GTF2IRD1: variants seen among roughly 807,000 people sequenced by gnomAD.
GTF2IRD1 encodes the protein general transcription factor II-I repeat domain-containing protein 1.
A neutral mutation model predicts 113.2 loss-of-function variants in GTF2IRD1; 26 were observed. That is an observed-to-expected ratio of 0.23 (90% CI 0.17 to 0.32). GTF2IRD1 has a LOEUF of 0.32. GTF2IRD1 is among the 10% of genes least tolerant of loss of function. GTF2IRD1 has a pLI of 1.00. For missense variants in GTF2IRD1, 864 were observed against 1,280.8 expected (o/e 0.67, Z 4.97); for synonymous variants, 484 against 529.1 (o/e 0.91, Z 1.17).
intron 9 of GTF2IRD1, among the ~76,000 whole-genome samples, chr7:74,531,335 C>A (rs587597960): frequency 6.6e-6 from 1 of 152,198 alleles, no homozygotes; most frequent in Non-Finnish European, 1.5e-5. Context: ...GGCACAACTG[C>A]ACTCCAGCCT....
At chr7:74,514,930 G>A (rs587692833) in intron 3 of GTF2IRD1, among the ~76,000 whole-genome samples, 24 of 151,780 alleles carry the variant, frequency 1.6e-4, no homozygotes, top group Admixed American at 1.4e-3. Flanking sequence ...GGTGGCAGGC[G>A]CCTATAATCC....
intron 14 of GTF2IRD1, among the ~76,000 whole-genome samples, chr7:74,541,509 C>G (rs1554351696): frequency 6.6e-6 from 1 of 152,042 alleles, no homozygotes; most frequent in African/African-American, 2.4e-5. Flanking sequence ...GCCTGTAGTT[C>G]CAGCTACTTG....
chr7:74,584,309 G>C (rs1187698441), intron 22 of GTF2IRD1, among the ~76,000 whole-genome samples: 1 of 152,108 alleles, frequency 6.6e-6, no homozygotes, highest in Non-Finnish European at 1.5e-5. Context: ...GCCAGGTGTG[G>C]TGGCGGGTAC....
intron 1 of GTF2IRD1, among the ~76,000 whole-genome samples, chr7:74,493,359 G>C (rs778002968): frequency 2.0e-4 from 30 of 151,592 alleles, no homozygotes; most frequent in African/African-American, 6.5e-4. Context: ...CAATCCTCCT[G>C]CCTTGGCCCC....
Position 74,589,917 on chromosome 7 carries a change from A to G in GTF2IRD1, c.2387A>G (p.Asn796Ser). 1.2e-6 allele frequency: 2 copies of G among 1,605,282 alleles called. No homozygotes were observed. The highest frequency in any genetic ancestry group is 2.2e-5 in the East Asian group (1 of 44,798). Residue 796 changes from asparagine to serine, a missense_variant, in exon 23 of 27, where the codon AAC becomes AGC. Transcript: ENST00000424337. ...CGGGAGCAGGTGAAGGAACTCTTCAACGAGAAATACGGTCAGTGCCTGTGG... is the reference window on the plus strand; with the variant it reads ...CGGGAGCAGGTGAAGGAACTCTTCAGCGAGAAATACGGTCAGTGCCTGTGG... ...ILREQVKELF[N>S]EKYGEALGLN...
chr7:74,556,425 AT>A (rs1799598330), intron 19 of GTF2IRD1, among the ~76,000 whole-genome samples: 1 of 150,440 alleles, frequency 6.6e-6, no homozygotes, highest in Non-Finnish European at 1.5e-5. Context: ...GGTTCAAGCA[AT>A]TCTCCTGCCT....
At chr7:74,469,930 A>G (rs1793980995) in intron 1 of GTF2IRD1, among the ~76,000 whole-genome samples, 1 of 152,092 alleles carries the variant, frequency 6.6e-6, no homozygotes, top group Non-Finnish European at 1.5e-5. Context: ...TGTCTCTACC[A>G]AAAAAGATAA....
At chr7:74,565,138 C>T (rs1349398478) in intron 22 of GTF2IRD1, among the ~76,000 whole-genome samples, 1 of 152,172 alleles carries the variant, frequency 6.6e-6, no homozygotes, top group Non-Finnish European at 1.5e-5. Context: ...AGACAACCCA[C>T]GCTCGACCCT....
At chr7:74,480,896 G>T (rs1794704109) in intron 1 of GTF2IRD1, among the ~76,000 whole-genome samples, 1 of 152,168 alleles carries the variant, frequency 6.6e-6, no homozygotes, top group Admixed American at 6.5e-5. Flanking sequence ...CCTCCACGTG[G>T]AGGAAGGACG....
chr7:74,591,046 C>G (rs782532235), intron 24 of GTF2IRD1, 29 bp downstream of exon 24: 1 of 1,547,138 alleles, frequency 6.5e-7, no homozygotes, highest in South Asian at 1.1e-5. Context: ...GAACGGGGAA[C>G]AGAGAGGGCG....
chr7:74,491,181 C>T (rs2117224428), intron 1 of GTF2IRD1, among the ~76,000 whole-genome samples: 1 of 152,092 alleles, frequency 6.6e-6, no homozygotes, highest in African/African-American at 2.4e-5. Flanking sequence ...TGGCAGGCAC[C>T]TGTAATCCCA....
At chr7:74,454,435 C>T (rs868970383) in intron 1 of GTF2IRD1, among the ~76,000 whole-genome samples, 1 of 151,928 alleles carries the variant, frequency 6.6e-6, no homozygotes, top group Non-Finnish European at 1.5e-5. Flanking sequence ...TCACCCCCTC[C>T]CTCCTTGCCA....
At chr7:74,545,623 G>C in intron 15 of GTF2IRD1, 121 bp from the exon 16 acceptor site, 17 of 642,330 alleles carry the variant, frequency 2.6e-5, no homozygotes, top group Non-Finnish European at 3.2e-5. Flanking sequence ...CACCGCCCCA[G>C]CCCCAGCCTT....
intron 22 of GTF2IRD1, among the ~76,000 whole-genome samples, chr7:74,563,578 A>C (rs1800109321): frequency 6.6e-6 from 1 of 151,146 alleles, no homozygotes. Context: ...ACTCCGTCTC[A>C]GAAAAAAAAA....
chr7:74,524,651 A>T (rs1797495681), intron 8 of GTF2IRD1, among the ~76,000 whole-genome samples: 1 of 152,198 alleles, frequency 6.6e-6, no homozygotes, highest in South Asian at 2.1e-4. Context: ...GGATCACCTG[A>T]GGTCAGGAGT....
In GTF2IRD1 at chr7:74,512,448, C is replaced by T. The variant is rs964347538; in HGVS notation, c.124-382C>T. Among the ~76,000 whole-genome samples the T allele has an allele frequency of 5.9e-5, 9 of 152,262 alleles. No individual in the cohort carries two copies. Among genetic ancestry groups the T allele is most frequent in the African/African-American group, 1.7e-4 (7 of 41,564 alleles). On this transcript the variant is annotated intron_variant, in intron 2 of 26. Transcript: ENST00000424337. This position sits in a 1 kb window ranked among gnomAD's most constrained non-coding sequence, Gnocchi z 4.4. The stretch of plus-strand genomic sequence containing the variant: ...AGAAGTGGCCGAGGTGGGATTGCAG[C>T]CCCAGTCTGTCCAGTCCCCGCCTGT...
chr7:74,599,416 C>G (rs1802613033), intron 25 of GTF2IRD1, among the ~76,000 whole-genome samples: 1 of 152,200 alleles, frequency 6.6e-6, no homozygotes, highest in Non-Finnish European at 1.5e-5. Context: ...GACCCCTCCT[C>G]CGTGCTGAAC....
intron 1 of GTF2IRD1, among the ~76,000 whole-genome samples, chr7:74,470,778 C>T (rs1794034185): frequency 1.3e-5 from 2 of 152,210 alleles, no homozygotes; most frequent in South Asian, 4.1e-4. Flanking sequence ...ACTGGAAAGG[C>T]CGCTTCCAAC....
intron 15 of GTF2IRD1, among the ~76,000 whole-genome samples, chr7:74,545,086 C>T (rs587599435): frequency 6.6e-6 from 1 of 152,246 alleles, no homozygotes; most frequent in East Asian, 1.9e-4. Context: ...CTGCTTTGCG[C>T]AAAGGTTTTA....
Sources: allele counts gnomAD v4.1 joint callset (sites outside exome capture counted in the v4.1 genomes callset), GRCh38; gene constraint gnomAD v4.1.1; non-coding constraint Gnocchi (gnomAD v3.1); transcripts MANE v1.5; gene names NCBI Gene and HGNC (gene_info 2026-07-23, HGNC 2026-07-21).